TMEM132B: variants seen among roughly 807,000 people sequenced by gnomAD.
TMEM132B encodes the protein transmembrane protein 132B.
Under a neutral mutation model 90.8 loss-of-function variants are expected in TMEM132B, and 18 were observed. That is an observed-to-expected ratio of 0.20 (90% CI 0.14 to 0.29). TMEM132B has a LOEUF of 0.29. Among genes scored for constraint, TMEM132B ranks in the 10% least tolerant of loss-of-function variants. The probability of loss-of-function intolerance (pLI) is 1.00; values close to 1 mark genes in which losing one functional copy is unlikely to be tolerated. For missense variants in TMEM132B, 1,096 were observed against 1,326.8 expected, an observed-to-expected ratio of 0.83 and a Z score of 2.70; for synonymous variants, 504 against 523.3, an observed-to-expected ratio of 0.96 and a Z score of 0.50.
chr12:125,230,640 C>G lies in TMEM132B; in HGVS notation c.67+43774C>G, dbSNP rs180752003. ...GGACTACAGGCGCCTGCCACCACGC[C>G]CGTCTAATTTTTGTGGTTTTTTTGT... On this transcript the variant is annotated intron_variant, in intron 1 of 8. Coordinates refer to ENST00000682704, the MANE Select transcript of TMEM132B (RefSeq NM_001366854.1). 1.3e-3 allele frequency among the ~76,000 whole-genome samples: 193 copies of G among 151,720 alleles called. 1 individual carries two copies. Among genetic ancestry groups the G allele is most frequent in the African/African-American group, 4.3e-3 (176 of 41,408 alleles).
At chr12:125,514,199 C>T (rs945174538) in intron 3 of TMEM132B, among the ~76,000 whole-genome samples, 3 of 152,108 alleles carry the variant, frequency 2.0e-5, no homozygotes, top group East Asian at 1.9e-4. Flanking sequence ...AAACGCCACA[C>T]GCCCCCCACC....
At chr12:125,504,455 G>A (rs138816712) in intron 3 of TMEM132B, among the ~76,000 whole-genome samples, 3 of 152,220 alleles carry the variant, frequency 2.0e-5, no homozygotes, top group African/African-American at 7.2e-5. Flanking sequence ...GGGAGTGACT[G>A]AATCAAAGGT....
chr12:125,314,449 A>G (rs1220413610), intron 1 of TMEM132B, among the ~76,000 whole-genome samples: 1 of 152,198 alleles, frequency 6.6e-6, no homozygotes, highest in African/African-American at 2.4e-5. Flanking sequence ...AAGGCGAGGA[A>G]CAGGGGAAAA....
At chr12:125,569,719 A>G (rs933108998) in intron 4 of TMEM132B, among the ~76,000 whole-genome samples, 4 of 152,108 alleles carry the variant, frequency 2.6e-5, no homozygotes, top group Non-Finnish European at 4.4e-5. Context: ...CAAGGAATGA[A>G]CTGGAACCAG....
chr12:125,305,204 G>A (rs559982726), intron 1 of TMEM132B, among the ~76,000 whole-genome samples: 8 of 151,734 alleles, frequency 5.3e-5, no homozygotes, highest in Non-Finnish European at 7.4e-5. Context: ...GAGATCAGAC[G>A]TGGGCGACAG....
chr12:125,326,082 AG>A (rs1876554922), intron 1 of TMEM132B, among the ~76,000 whole-genome samples: 1 of 152,136 alleles, frequency 6.6e-6, no homozygotes, highest in Non-Finnish European at 1.5e-5. Context: ...TCACAGGGAG[AG>A]GGGGACACCC....
chr12:125,480,112 T>G (rs1457240832), intron 3 of TMEM132B, among the ~76,000 whole-genome samples: 1 of 152,134 alleles, frequency 6.6e-6, no homozygotes. Flanking sequence ...TAAAGCAGCG[T>G]GTAGAGGGAA....
intron 1 of TMEM132B, among the ~76,000 whole-genome samples, chr12:125,242,962 G>A (rs990268798): frequency 1.4e-5 from 2 of 145,868 alleles, no homozygotes; most frequent in African/African-American, 2.5e-5. Flanking sequence ...TTTTAGAATC[G>A]GGGTACATGT....
chr12:125,459,446 T>C lies in TMEM132B; in HGVS notation c.1106+43769T>C, dbSNP rs1027144200. On this transcript the variant is annotated intron_variant, in intron 3 of 8. Coordinates refer to ENST00000682704, the MANE Select transcript of TMEM132B (RefSeq NM_001366854.1). This position sits in a 1 kb window ranked among gnomAD's most constrained non-coding sequence, Gnocchi z 4.1. Reference sequence around the variant, plus strand: ...AAAGACAAACATTGCTTGTTCTCACTTATTTGTGGGATGTAAAAATCAAAA... The same window carrying C: ...AAAGACAAACATTGCTTGTTCTCACCTATTTGTGGGATGTAAAAATCAAAA... Among the ~76,000 whole-genome samples, 1 of 152,124 alleles carries C rather than the reference T, an allele frequency of 6.6e-6. No homozygotes were observed. Among genetic ancestry groups the C allele is most frequent in the African/African-American group, 2.4e-5 (1 of 41,434 alleles).
At chr12:125,433,033 ACTTTAAGC>A (rs1295190782) in intron 3 of TMEM132B, among the ~76,000 whole-genome samples, 31 of 152,328 alleles carry the variant, frequency 2.0e-4, no homozygotes, top group African/African-American at 7.5e-4. Context: ...CCTGCATCTT[ACTTTAAGC>A]AAGTGTCGGA....
chr12:125,259,457 C>A (rs180749449), intron 1 of TMEM132B, among the ~76,000 whole-genome samples: 1 of 152,272 alleles, frequency 6.6e-6, no homozygotes, highest in South Asian at 2.1e-4. Flanking sequence ...TAGAGAAAAG[C>A]CCAGCAATGT....
chr12:125,259,556 A>G (rs1248749723), intron 1 of TMEM132B, among the ~76,000 whole-genome samples: 1 of 152,184 alleles, frequency 6.6e-6, no homozygotes, highest in Non-Finnish European at 1.5e-5. Context: ...GGGTCTTTTA[A>G]ATGAAATTCT....
At chr12:125,343,423 T>C (rs1367224952) in intron 1 of TMEM132B, among the ~76,000 whole-genome samples, 2 of 152,138 alleles carry the variant, frequency 1.3e-5, no homozygotes, top group Non-Finnish European at 2.9e-5. Context: ...TGTACAGGGA[T>C]TGTGTCCATG....
intron 1 of TMEM132B, among the ~76,000 whole-genome samples, chr12:125,204,856 T>C (rs541105066): frequency 2.0e-4 from 25 of 126,472 alleles, no homozygotes; most frequent in African/African-American, 2.7e-4. Context: ...GCACTGTGCT[T>C]AGCTCTTTAT....
At chr12:125,356,276 C>A (rs1452195451) in intron 2 of TMEM132B, among the ~76,000 whole-genome samples, 1 of 152,228 alleles carries the variant, frequency 6.6e-6, no homozygotes, top group Non-Finnish European at 1.5e-5. Context: ...GGTTTGAATC[C>A]TGACTCTGCC....
chr12:125,589,740 G>GT (rs1204857259), intron 5 of TMEM132B, among the ~76,000 whole-genome samples: 1 of 152,040 alleles, frequency 6.6e-6, no homozygotes, highest in Non-Finnish European at 1.5e-5. Flanking sequence ...CTCATTAGAA[G>GT]TCACTCACCA....
chr12:125,428,748 G>A lies in TMEM132B; in HGVS notation c.1106+13071G>A, dbSNP rs141243924. Among the ~76,000 whole-genome samples, 47 of 152,322 alleles carry A rather than the reference G, an allele frequency of 3.1e-4. 1 individual carries two copies. The East Asian group carries it at 6.9e-3, about 22-fold the overall frequency. On this transcript the variant is annotated intron_variant, in intron 3 of 8. Coordinates refer to ENST00000682704, the MANE Select transcript of TMEM132B (RefSeq NM_001366854.1). ...CTTTTTGGGTGAGAAGAAACCTTCT[G>A]TGTCTTTTGAAATGACATTTTATTT... is the stretch of plus-strand genomic sequence containing the variant.
At chr12:125,362,522 T>C (rs968703760) in intron 2 of TMEM132B, among the ~76,000 whole-genome samples, 8 of 152,312 alleles carry the variant, frequency 5.3e-5, no homozygotes, top group Admixed American at 2.6e-4. Flanking sequence ...AGTACAGTAG[T>C]GTTAACTACA....
chr12:125,357,024 G>A (rs987122012), intron 2 of TMEM132B, among the ~76,000 whole-genome samples: 7 of 152,164 alleles, frequency 4.6e-5, no homozygotes, highest in African/African-American at 1.7e-4. Flanking sequence ...TATTTTTGAT[G>A]TATCTTGAGG....
Sources: allele counts gnomAD v4.1 joint callset (sites outside exome capture counted in the v4.1 genomes callset), GRCh38; gene constraint gnomAD v4.1.1; non-coding constraint Gnocchi (gnomAD v3.1); transcripts MANE v1.5; gene names NCBI Gene and HGNC (gene_info 2026-07-23, HGNC 2026-07-21).